DCAF6: variants seen among roughly 807,000 people sequenced by gnomAD.
DCAF6 encodes the protein DDB1- and CUL4-associated factor 6.
In DCAF6, 54 loss-of-function variants were observed where a neutral mutation model predicts 125.1. The ratio of observed to expected loss-of-function variants is 0.43; its 90% CI spans 0.35 to 0.54. DCAF6 has a LOEUF of 0.54. Among genes scored for constraint, DCAF6 ranks in the 20% least tolerant of loss-of-function variants. The pLI is 0.01. For missense variants in DCAF6, 934 were observed against 1,161.7 expected (o/e 0.80, Z 2.85); for synonymous variants, 371 against 390.4 (o/e 0.95, Z 0.58).
At chr1:168,066,303 T>C in intron 19 of DCAF6, 74 bp from the exon 20 acceptor site, 1 of 878,282 alleles carries the variant, frequency 1.1e-6, no homozygotes, top group Non-Finnish European at 1.8e-6. Flanking sequence ...TATATATACA[T>C]ATATGCATAA....
chr1:167,992,061 A>G (rs553866900), intron 6 of DCAF6, among the ~76,000 whole-genome samples: 39 of 152,308 alleles, frequency 2.6e-4, no homozygotes, highest in Non-Finnish European at 4.9e-4. Context: ...TGACTTGGGT[A>G]TGTATTAATG....
intron 10 of DCAF6, among the ~76,000 whole-genome samples, chr1:168,009,159 C>T (rs183466102): frequency 1.9e-4 from 29 of 151,316 alleles, no homozygotes; most frequent in Middle Eastern, 3.4e-3. Flanking sequence ...CCACCATGCC[C>T]GGCTAATTTT....
chr1:167,953,402 A>G (rs1571636738), intron 2 of DCAF6, among the ~76,000 whole-genome samples: 1 of 152,170 alleles, frequency 6.6e-6, no homozygotes, highest in Non-Finnish European at 1.5e-5. Context: ...AGTGCTTACT[A>G]TCTGGCATTA....
intron 14 of DCAF6, 101 bp downstream of exon 14, chr1:168,043,241 TA>T: frequency 3.3e-6 from 3 of 908,924 alleles, no homozygotes; most frequent in Middle Eastern, 2.2e-4. Context: ...TTGTTTTTAA[TA>T]AATTACTTTT....
At chr1:167,955,957 CATT>C in intron 2 of DCAF6, among the ~76,000 whole-genome samples, 1 of 152,212 alleles carries the variant, frequency 6.6e-6, no homozygotes, top group African/African-American at 2.4e-5. Flanking sequence ...GGTGGGGTCT[CATT>C]ATGTTGCCCG....
chr1:168,046,034 A>G (rs1689119851), intron 16 of DCAF6, among the ~76,000 whole-genome samples: 2 of 152,102 alleles, frequency 1.3e-5, no homozygotes, highest in African/African-American at 4.8e-5. Flanking sequence ...TGCTGTTTAT[A>G]AGATACCCTA....
intron 2 of DCAF6, among the ~76,000 whole-genome samples, chr1:167,955,568 A>T (rs1254263638): frequency 2.6e-5 from 4 of 151,474 alleles, no homozygotes; most frequent in Non-Finnish European, 5.9e-5. Context: ...TCTCATATTC[A>T]TTCAAGTAGC....
At chr1:167,950,987 T>A (rs1165996922) in intron 1 of DCAF6, among the ~76,000 whole-genome samples, 1 of 152,202 alleles carries the variant, frequency 6.6e-6, no homozygotes, top group African/African-American at 2.4e-5. Flanking sequence ...ACTATTGCTG[T>A]TTGCCATCCT....
intron 21 of DCAF6, among the ~76,000 whole-genome samples, chr1:168,073,606 C>CT (rs1345941694): frequency 6.6e-6 from 1 of 152,106 alleles, no homozygotes. Context: ...TCTTAACTCT[C>CT]TATTATCCCA....
Position 168,043,046 on chromosome 1 carries a change from T to C in DCAF6, c.1749T>C (p.Ser583=), listed in dbSNP as rs1203293834. ...TDEWSSIASS[S]RGIGSHCKSE... ...ATAGGAGCAGTATAGCATCAAGTTC[T>C]AGAGGAATTGGGAGCCATTGCAAAT... The change falls in exon 14 of 22, where the codon TCT becomes TCC. Residue 583 remains serine (S), a synonymous_variant. Coordinates refer to ENST00000367840, the MANE Select transcript of DCAF6 (RefSeq NM_001198956.2). 2.0e-5 allele frequency: 33 copies of C among 1,612,380 alleles called. No homozygotes were observed. The highest frequency in any genetic ancestry group is 2.6e-5 in the Non-Finnish European group (31 of 1,179,074).
chr1:168,011,903 G>A lies in DCAF6; in HGVS notation c.1379-3878G>A, dbSNP rs111370829. Among the ~76,000 whole-genome samples, 445 of 152,238 alleles carry A rather than the reference G, an allele frequency of 2.9e-3. 1 individual carries two copies. The highest frequency in any genetic ancestry group is 0.01 in the African/African-American group (423 of 41,536). The stretch of plus-strand genomic sequence containing the variant: ...CAGGAGAACTGCATGAACCCAGTAG[G>A]CAGAGGTTGCAGTGAGCCGAGATCA... On this transcript the variant is annotated intron_variant, in intron 10 of 21. Transcript: ENST00000367840.
At chr1:167,968,489 T>G (rs939415149) in intron 3 of DCAF6, 2 of 152,266 alleles carry the variant, frequency 1.3e-5, no homozygotes, top group African/African-American at 4.8e-5. Context: ...CACCTCTCTC[T>G]AGAGCACTGA....
chr1:168,072,422 T>C (rs1310099182), intron 21 of DCAF6, among the ~76,000 whole-genome samples: 1 of 152,110 alleles, frequency 6.6e-6, no homozygotes, highest in Non-Finnish European at 1.5e-5. Flanking sequence ...CATTGCCTTA[T>C]TTTCCTCAAG....
chr1:168,050,620 T>A (rs942103734), intron 16 of DCAF6, among the ~76,000 whole-genome samples: 2 of 152,134 alleles, frequency 1.3e-5, no homozygotes, highest in Admixed American at 6.5e-5. Flanking sequence ...TGTGACAGGA[T>A]TGGGTTCTGA....
intron 4 of DCAF6, among the ~76,000 whole-genome samples, chr1:167,976,437 ACTC>A (rs1678180252): frequency 6.6e-6 from 1 of 152,198 alleles, no homozygotes; most frequent in African/African-American, 2.4e-5. Context: ...GCGCTACTGT[ACTC>A]CAACCTGGGC....
chr1:168,019,349 A>G (rs1032042409), intron 11 of DCAF6, among the ~76,000 whole-genome samples: 1 of 152,166 alleles, frequency 6.6e-6, no homozygotes, highest in African/African-American at 2.4e-5. Context: ...TGCCCAGCCA[A>G]TAATGTACTA....
the DCAF6 span, chr1:167,883,616 G>T: frequency 5.6e-6 from 9 of 1,614,220 alleles, no homozygotes; most frequent in Non-Finnish European, 7.6e-6. Context: ...CCCTGAAGCT[G>T]TTTGTTATCA....
chr1:167,882,570 G>A, the DCAF6 span, among the ~76,000 whole-genome samples: 19 of 151,954 alleles, frequency 1.3e-4, no homozygotes, highest in African/African-American at 3.9e-4. Context: ...AAATAAAAGG[G>A]GAACTGGAGG....
intron 17 of DCAF6, among the ~76,000 whole-genome samples, chr1:168,054,022 C>T (rs530793045): frequency 1.9e-4 from 29 of 152,250 alleles, no homozygotes; most frequent in African/African-American, 6.5e-4. Context: ...GCAGAAACAG[C>T]AAGATACTCT....
Sources: gnomAD v4.1 joint callset for allele counts (sites outside exome capture counted in the v4.1 genomes callset) on GRCh38, gnomAD v4.1.1 for gene constraint, MANE v1.5 for transcripts, NCBI Gene and HGNC (gene_info 2026-07-23, HGNC 2026-07-21) for gene names.